Variants in GAS7 observed in about 807,000 individuals in gnomAD.
GAS7 encodes growth arrest specific 7, also known as growth arrest-specific protein 7.
GAS7 carries 28 observed loss-of-function variants against 71.1 expected under a neutral mutation model. The ratio of observed to expected loss-of-function variants is 0.39; its 90% CI spans 0.29 to 0.54. The LOEUF is 0.54. GAS7 is among the 20% of genes least tolerant of loss of function. The pLI, the probability that GAS7 is intolerant of heterozygous loss-of-function variation, is 0.62. For synonymous variants in GAS7, 258 were observed against 245.8 expected (o/e 1.05, Z -0.46); for missense variants, 436 against 627.8 (o/e 0.69, Z 3.27).
chr17:10,153,028 A>G (rs1318079324), intron 1 of GAS7, among the ~76,000 whole-genome samples: 3 of 136,790 alleles, frequency 2.2e-5, no homozygotes, highest in Admixed American at 7.5e-5. Flanking sequence ...CCCCATCCCC[A>G]CTAAAAATAC....
intron 8 of GAS7, among the ~76,000 whole-genome samples, chr17:9,938,448 G>T (rs1456554898): frequency 1.3e-4 from 19 of 146,122 alleles, no homozygotes; most frequent in African/African-American, 4.9e-4. Context: ...TCCAGTCTGG[G>T]CGACAGAGCG....
Position 9,926,694 on chromosome 17 carries a change from G to A in GAS7, c.961C>T (p.His321Tyr), listed in dbSNP as rs759835386. Residue 321 changes from histidine (H) to tyrosine (Y), a missense_variant, in exon 10 of 14, where the codon CAC becomes TAC. Coordinates refer to ENST00000432992, the MANE Select transcript of GAS7 (RefSeq NM_201433.2). The surrounding 1 kb of genome is among the most constrained non-coding windows in gnomAD (Gnocchi z 5.0). ...FKKDMKKCDHHIADLRKQLAS... is the reference protein window; with the variant it reads ...FKKDMKKCDHYIADLRKQLAS... ...AGCTGCTTGCGAAGGTCGGCAATGTGGTGGTCGCACTTCTTCATGTCTTTC... is the reference window on the plus strand; with the variant it reads ...AGCTGCTTGCGAAGGTCGGCAATGTAGTGGTCGCACTTCTTCATGTCTTTC... 3.1e-6 allele frequency: 5 copies of A among 1,613,956 alleles called. No homozygotes were observed. The highest frequency in any genetic ancestry group is 4.2e-6 in the Non-Finnish European group (5 of 1,179,962).
intron 1 of GAS7, among the ~76,000 whole-genome samples, chr17:10,079,757 G>A (rs181725782): frequency 6.6e-5 from 10 of 152,310 alleles, no homozygotes; most frequent in Non-Finnish European, 1.5e-4. Flanking sequence ...CCTGAGGACT[G>A]TGACACGGTC....
At chr17:9,934,971 T>A (rs1177900192) in intron 8 of GAS7, among the ~76,000 whole-genome samples, 2 of 152,114 alleles carry the variant, frequency 1.3e-5, no homozygotes, top group African/African-American at 2.4e-5. Context: ...CCTGACCAAC[T>A]GAGAGCAGCT....
At chr17:10,085,123 C>T (rs1019837454) in intron 1 of GAS7, among the ~76,000 whole-genome samples, 5 of 152,206 alleles carry the variant, frequency 3.3e-5, no homozygotes, top group African/African-American at 7.2e-5. Context: ...CAGGAGGTTT[C>T]CCCGGTCTCT....
chr17:9,980,714 C>T (rs143705268), intron 3 of GAS7, among the ~76,000 whole-genome samples: 98 of 152,228 alleles, frequency 6.4e-4, no homozygotes, highest in African/African-American at 2.1e-3. Context: ...AGACAAAGTC[C>T]CCACCCTCAG....
intron 1 of GAS7, among the ~76,000 whole-genome samples, chr17:10,114,965 AGGG>A (rs1243333118): frequency 2.6e-5 from 4 of 152,164 alleles, no homozygotes; most frequent in African/African-American, 9.7e-5. Context: ...TGTGGCTGGC[AGGG>A]CTGGGCCAGC....
intron 3 of GAS7, among the ~76,000 whole-genome samples, chr17:9,980,578 C>A (rs1288374454): frequency 1.3e-5 from 2 of 152,208 alleles, no homozygotes; most frequent in African/African-American, 2.4e-5. Context: ...TGCTTTGCTG[C>A]CAGATTGACT....
intron 11 of GAS7, among the ~76,000 whole-genome samples, chr17:9,921,867 G>C (rs1818577516): frequency 6.6e-6 from 1 of 151,302 alleles, no homozygotes; most frequent in Non-Finnish European, 1.5e-5. Flanking sequence ...GCTGAGGCAG[G>C]AGAATGGCAT....
At chr17:9,945,587 G>T (rs966170509) in intron 6 of GAS7, among the ~76,000 whole-genome samples, 3 of 151,938 alleles carry the variant, frequency 2.0e-5, no homozygotes, top group African/African-American at 7.3e-5. Context: ...GTAGGCAACA[G>T]GGATCTTTGT....
chr17:10,050,964 A>G (rs929981197), intron 1 of GAS7, among the ~76,000 whole-genome samples: 1 of 152,140 alleles, frequency 6.6e-6, no homozygotes, highest in South Asian at 2.1e-4. Context: ...CAGAAGATAG[A>G]TGCCCTGCAA....
At chr17:10,134,928 G>A (rs2074027109) in intron 1 of GAS7, among the ~76,000 whole-genome samples, 2 of 151,876 alleles carry the variant, frequency 1.3e-5, no homozygotes, top group East Asian at 3.9e-4. Flanking sequence ...CGGCTCCCAA[G>A]TTCAAGTGAT....
At chr17:9,986,470 T>C (rs2070653100) in intron 2 of GAS7, among the ~76,000 whole-genome samples, 1 of 152,278 alleles carries the variant, frequency 6.6e-6, no homozygotes. Context: ...ATCTGGACTA[T>C]TGAACAGAGA....
At chr17:9,966,037 C>T (rs1473717656) in intron 4 of GAS7, among the ~76,000 whole-genome samples, 11 of 134,596 alleles carry the variant, frequency 8.2e-5, no homozygotes, top group Non-Finnish European at 1.7e-4. Flanking sequence ...CTCGCTCTGT[C>T]GCCCAGGCTG....
intron 1 of GAS7, among the ~76,000 whole-genome samples, chr17:10,172,997 A>G (rs546729440): frequency 2.0e-5 from 3 of 152,366 alleles, no homozygotes; most frequent in East Asian, 3.9e-4. Flanking sequence ...TTATTCAGTC[A>G]TGAAAAGCAA....
intron 4 of GAS7, among the ~76,000 whole-genome samples, chr17:9,965,900 C>T (rs2069687924): frequency 6.6e-6 from 1 of 152,064 alleles, no homozygotes; most frequent in African/African-American, 2.4e-5. Flanking sequence ...GGGGCACCCA[C>T]TATCAGTCCT....
chr17:9,997,765 C>T (rs185499577), intron 2 of GAS7, among the ~76,000 whole-genome samples: 2 of 152,380 alleles, frequency 1.3e-5, no homozygotes, highest in East Asian at 1.9e-4. Flanking sequence ...TCCACGGGTT[C>T]GATTCCTTTG....
chr17:10,001,825 A>G (rs2071278238), intron 2 of GAS7, among the ~76,000 whole-genome samples: 2 of 152,152 alleles, frequency 1.3e-5, no homozygotes, highest in South Asian at 4.1e-4. Context: ...AAAACACATA[A>G]TTTTAAAAAA....
intron 2 of GAS7, among the ~76,000 whole-genome samples, chr17:9,986,690 G>A (rs2070662143): frequency 6.6e-6 from 1 of 152,114 alleles, no homozygotes; most frequent in African/African-American, 2.4e-5. Flanking sequence ...TCACTGGCCT[G>A]GTCAACTCCC....
Sources: gnomAD v4.1 joint callset for allele counts (sites outside exome capture counted in the v4.1 genomes callset) on GRCh38, gnomAD v4.1.1 for gene constraint, Gnocchi (gnomAD v3.1) non-coding constraint, MANE v1.5 for transcripts, NCBI Gene and HGNC (gene_info 2026-07-23, HGNC 2026-07-21) for gene names.